Variants in WDR88 observed in about 807,000 individuals in gnomAD.
WDR88 encodes the protein WD repeat-containing protein 88.
Under a neutral mutation model 46.8 loss-of-function variants are expected in WDR88, and 40 were observed. The observed-to-expected ratio is 0.86, with a 90% CI of 0.66 to 1.11. The LOEUF (loss-of-function observed/expected upper bound fraction) is 1.11, where lower values mean the gene tolerates loss of function less well. Among genes scored for constraint, WDR88 ranks in the 50% most tolerant of loss-of-function variants. The pLI, the probability that WDR88 is intolerant of heterozygous loss-of-function variation, is 0.00. For synonymous variants in WDR88, 235 were observed against 240.7 expected (o/e 0.98, Z 0.22); for missense variants, 562 against 602.4 (o/e 0.93, Z 0.70).
At position 33,154,466 on chromosome 19, in the gene WDR88, C is replaced by T. The variant is rs1483838565; in HGVS notation, c.810-1889C>T. On this transcript the variant is annotated intron_variant, in intron 6 of 10. Transcript: ENST00000355868. ...TTCAACTCCCACTTATGAATGAGAACGTGTGGTGTTTGGTCTTCTGTTCCT... is the reference window on the plus strand; with the variant it reads ...TTCAACTCCCACTTATGAATGAGAATGTGTGGTGTTTGGTCTTCTGTTCCT... Among the ~76,000 whole-genome samples the T allele has an allele frequency of 4.6e-5, 7 of 152,174 alleles. No individual in the cohort carries two copies. The East Asian group carries it at 1.2e-3, about 25-fold the overall frequency.
Position 33,148,786 on chromosome 19 carries a change from T to G in WDR88, c.555T>G (p.Tyr185Ter). ...ETGKLLWKVR[Y>*]DTFIVSCKFS... Reference sequence around the variant, plus strand: ...GCTCATTTCAGTGGAAGGTCAGGTATGATACCTTCATCGTCTCCTGTAAGT... The same window carrying G: ...GCTCATTTCAGTGGAAGGTCAGGTAGGATACCTTCATCGTCTCCTGTAAGT... The change falls in exon 5 of 11, where the codon TAT becomes TAG. Residue 185 changes from tyrosine to a stop codon, truncating the protein, a stop_gained. Transcript: ENST00000355868. LOFTEE classifies it high-confidence loss of function. 3 of 1,614,158 alleles carry G rather than the reference T, an allele frequency of 1.9e-6. No homozygotes were observed. The South Asian group carries it at 3.3e-5, about 18-fold the overall frequency.
At chr19:33,146,464 T>C (rs113576991) in intron 3 of WDR88, among the ~76,000 whole-genome samples, 3,661 of 109,082 alleles carry the variant, frequency 0.034, 171 homozygotes, top group African/African-American at 0.16. Context: ...TCCTTCCTTC[T>C]TTCCTTCCTT....
intron 7 of WDR88, among the ~76,000 whole-genome samples, chr19:33,157,713 A>G (rs867376389): frequency 1.1e-5 from 1 of 92,476 alleles, no homozygotes; most frequent in African/African-American, 6.5e-5. Context: ...ATATATATAT[A>G]TATATATATA....
At chr19:33,157,525 G>GTA (rs74174647) in intron 7 of WDR88, among the ~76,000 whole-genome samples, 102 of 129,156 alleles carry the variant, frequency 7.9e-4, no homozygotes, top group Middle Eastern at 3.8e-3. Flanking sequence ...ATATATATGT[G>GTA]TATATATATA....
Position 33,175,503 on chromosome 19 carries a change from T to C in WDR88, c.1350T>C (p.Asp450=), listed in dbSNP as rs140426270. The C allele has an allele frequency of 1.2e-6, 2 of 1,614,228 alleles. No individual in the cohort carries two copies. Among genetic ancestry groups the C allele is most frequent in the Non-Finnish European group, 1.7e-6 (2 of 1,180,040 alleles). ...TAGATACAAGGGGCTTGCCAGCAGA[T>C]ACTTCATCGTCATCATCATCATCGG... ...CRIDTRGLPA[D]TSSSSSSSER... is the part of the protein sequence containing the mutation. Residue 450 remains aspartate (D), a synonymous_variant, in exon 11 of 11, where the codon GAT becomes GAC. Coordinates refer to ENST00000355868, the MANE Select transcript of WDR88 (RefSeq NM_173479.4).
intron 7 of WDR88, among the ~76,000 whole-genome samples, chr19:33,157,709 A>G (rs376173982): frequency 2.0e-4 from 4 of 19,944 alleles, no homozygotes; most frequent in African/African-American, 5.6e-4. Flanking sequence ...ATATATATAT[A>G]TATATATATA....
Position 33,140,280 on chromosome 19 carries a change from G to A in WDR88, c.387+2493G>A, listed in dbSNP as rs551706423. On this transcript the variant is annotated intron_variant, in intron 2 of 10. Transcript: ENST00000355868. ...AGCAATCCCCCCATCTCAACACCCC[G>A]AGTAGCTGGGACTGCAGGAGTGCAC... 3.5e-4 allele frequency among the ~76,000 whole-genome samples: 53 copies of A among 152,068 alleles called. 1 individual carries two copies. The highest frequency in any genetic ancestry group is 1.2e-3 in the African/African-American group (51 of 41,496).
chr19:33,148,212 G>A (rs973038716), intron 4 of WDR88, among the ~76,000 whole-genome samples: 2 of 151,740 alleles, frequency 1.3e-5, no homozygotes, highest in African/African-American at 2.4e-5. Context: ...ACTCCCACTC[G>A]GCCCTGCACC....
chr19:33,137,731 T>C lies in WDR88; in HGVS notation c.331T>C (p.Cys111Arg). 3 of 1,614,034 alleles carry C rather than the reference T, an allele frequency of 1.9e-6. No homozygotes were observed. The highest frequency in any genetic ancestry group is 2.5e-6 in the Non-Finnish European group (3 of 1,180,030). Reference sequence around the variant, plus strand: ...GCACGCTGTGAGCACCTGCCACTTCTGTGTGGATGACACAAAGCTCCTCAG... The same window carrying C: ...GCACGCTGTGAGCACCTGCCACTTCCGTGTGGATGACACAAAGCTCCTCAG... The part of the protein sequence containing the change: ...HEHAVSTCHF[C>R]VDDTKLLSGS... Residue 111 changes from cysteine (C) to arginine (R), a missense_variant, in exon 2 of 11, where the codon TGT (cysteine) becomes CGT (arginine). Transcript: ENST00000355868.
rs148879757 is a variant in WDR88 at position 33,173,623 on chromosome 19, A to G, written c.1242+1183A>G. On this transcript the variant is annotated intron_variant, in intron 10 of 10. Transcript: ENST00000355868. ...TGGGAATGGCTAATTTGGGAGCCGC[A>G]CTGCAAGGCAGTTGTGTGAGGGGTG... Among the ~76,000 whole-genome samples, 653 of 152,306 alleles carry G rather than the reference A, an allele frequency of 4.3e-3. 5 individuals carry two copies. The highest frequency in any genetic ancestry group is 0.015 in the African/African-American group (606 of 41,566).
At chr19:33,169,935 T>C (rs963493790) in intron 9 of WDR88, among the ~76,000 whole-genome samples, 3 of 152,202 alleles carry the variant, frequency 2.0e-5, no homozygotes, top group Non-Finnish European at 2.9e-5. Context: ...TGGAGTGCAA[T>C]TGCACAATCT....
chr19:33,171,875 G>A (rs1325222488), intron 9 of WDR88, among the ~76,000 whole-genome samples: 1 of 152,170 alleles, frequency 6.6e-6, no homozygotes, highest in African/African-American at 2.4e-5. Flanking sequence ...CTGGGTTCAA[G>A]TGATTCTCCT....
At chr19:33,160,009 C>CAATAGGGTTCATGCTCCCGTGAGAAT (rs1973836922) in intron 7 of WDR88, among the ~76,000 whole-genome samples, 1 of 152,014 alleles carries the variant, frequency 6.6e-6, no homozygotes, top group Non-Finnish European at 1.5e-5. Flanking sequence ...CCGCAGTTCA[C>CAATAGGGTTCATGCTCCCGTGAGAAT]AATAGGGTTC....
intron 6 of WDR88, among the ~76,000 whole-genome samples, chr19:33,154,011 C>T (rs1268769849): frequency 2.0e-5 from 3 of 152,094 alleles, no homozygotes; most frequent in East Asian, 3.9e-4. Context: ...GGTAAAATTT[C>T]AGCCATTTAA....
At chr19:33,137,816 G>A (rs1296928507) in intron 2 of WDR88, 29 bp downstream of exon 2, 1 of 1,598,002 alleles carries the variant, frequency 6.3e-7, no homozygotes, top group African/African-American at 1.3e-5. Context: ...GGTACTCCTG[G>A]AGCGAAAACC....
intron 6 of WDR88, among the ~76,000 whole-genome samples, chr19:33,151,682 C>G (rs1973636729): frequency 6.6e-6 from 1 of 152,022 alleles, no homozygotes; most frequent in South Asian, 2.1e-4. Context: ...GAGTTCAACA[C>G]CAGCCTGGGC....
At position 33,175,763 on chromosome 19, in the gene WDR88, C is replaced by A. The variant is rs1439659654; in HGVS notation, c.*191C>A. 1 of 595,534 alleles carries A rather than the reference C, an allele frequency of 1.7e-6. No homozygotes were observed. The highest frequency in any genetic ancestry group is 3.0e-6 in the Non-Finnish European group (1 of 337,570). 36.9% of individuals were successfully genotyped at this position (595,534 alleles called of 1,614,324 possible). On this transcript the variant is annotated 3_prime_UTR_variant, in exon 11 of 11. Coordinates refer to ENST00000355868, the MANE Select transcript of WDR88 (RefSeq NM_173479.4). ...CTCAGCTTGGGGAGTGAACACTTTC[C>A]GTTTTCATGCAGAATAAATCTAATT...
intron 1 of WDR88, among the ~76,000 whole-genome samples, chr19:33,134,840 A>ACCCCCCCCCCCCCCCCC: frequency 3.1e-3 from 194 of 62,404 alleles, no homozygotes; most frequent in Admixed American, 3.3e-3. Flanking sequence ...CGTCCCCGAC[A>ACCCCCCCCCCCCCCCCC]CCCCCCCCCC....
At chr19:33,174,985 A>C (rs1974099406) in intron 10 of WDR88, 1 of 985,254 alleles carries the variant, frequency 1.0e-6, no homozygotes, top group African/African-American at 1.7e-5. Context: ...CTGTAATCCC[A>C]GCACTCTGGG....
Sources: allele counts gnomAD v4.1 joint callset (sites outside exome capture counted in the v4.1 genomes callset), GRCh38; gene constraint gnomAD v4.1.1; transcripts MANE v1.5; gene names NCBI Gene and HGNC (gene_info 2026-07-23, HGNC 2026-07-21).